The following WDR33 variants were observed in gnomAD, a reference collection of about 807,000 sequenced individuals.
WDR33 encodes the protein WD repeat domain 33, also known as pre-mRNA 3' end processing protein WDR33.
WDR33 carries 47 observed loss-of-function variants against 164.9 expected under a neutral mutation model. That is an observed-to-expected ratio of 0.29 (90% CI 0.23 to 0.36). WDR33 has a LOEUF of 0.36. Among genes scored for constraint, WDR33 ranks in the 10% least tolerant of loss-of-function variants. The pLI, the probability that WDR33 is intolerant of heterozygous loss-of-function variation, is 1.00. For synonymous variants in WDR33, 505 were observed against 589.0 expected (o/e 0.86, Z 2.06); for missense variants, 1,137 against 1,754.1 (o/e 0.65, Z 6.28).
chr2:127,781,573 CAT>C (rs890217488), intron 1 of WDR33, among the ~76,000 whole-genome samples: 5 of 152,108 alleles, frequency 3.3e-5, no homozygotes, highest in African/African-American at 1.2e-4. Flanking sequence ...AACTGGGTAA[CAT>C]AAATAGAATC....
At position 127,706,515 on chromosome 2, in the gene WDR33, T is replaced by C. The variant is rs1686016056; in HGVS notation, c.3819A>G (p.Lys1273=). ...CGTCTAAGGAGCTGGAACGCCCAGA[T>C]TTGGGCACTCTCTGAGCAGGTCCTG... The part of the protein sequence containing the change: ...GGPGPAQRVP[K]SGRSSSLDGE... Residue 1273 remains lysine, a synonymous_variant, in exon 22 of 22, where the codon AAA becomes AAG. Coordinates refer to ENST00000322313, the MANE Select transcript of WDR33 (RefSeq NM_018383.5). This position sits in a 1 kb window ranked among gnomAD's most constrained non-coding sequence, Gnocchi z 5.1. 1 of 1,613,186 alleles carries C rather than the reference T, an allele frequency of 6.2e-7. No individual in the cohort carries two copies. The highest frequency in any genetic ancestry group is 2.2e-5 in the East Asian group (1 of 44,790).
At chr2:127,799,174 C>A (rs1233118710) in intron 1 of WDR33, among the ~76,000 whole-genome samples, 3 of 152,046 alleles carry the variant, frequency 2.0e-5, no homozygotes, top group African/African-American at 7.3e-5. Context: ...ACATTCAGGA[C>A]CTTGGGTTAG....
At chr2:127,715,167 C>A (rs1251924674) in intron 17 of WDR33, among the ~76,000 whole-genome samples, 1 of 146,790 alleles carries the variant, frequency 6.8e-6, no homozygotes, top group East Asian at 2.1e-4. Context: ...TCTCAGCTCA[C>A]TGAAACCTCC....
chr2:127,737,155 A>G (rs896084144), intron 7 of WDR33: 1 of 985,316 alleles, frequency 1.0e-6, no homozygotes, highest in African/African-American at 1.7e-5. Context: ...TTTGCAGAGT[A>G]TTCATCAAAG....
In WDR33 at chr2:127,792,083, C is replaced by T. The variant is rs182786719; in HGVS notation, c.-24+18929G>A. Among the ~76,000 whole-genome samples, 552 of 152,044 alleles carry T rather than the reference C, an allele frequency of 3.6e-3. 5 individuals carry two copies. Among genetic ancestry groups the T allele is most frequent in the African/African-American group, 0.012 (512 of 41,504 alleles). ...CCTCCTGAGTAGCTGGGATTATAAG[C>T]ATGCACCACCACGCCCGGCTAATTT... is the stretch of plus-strand genomic sequence containing the variant. On this transcript the variant is annotated intron_variant, in intron 1 of 21. Coordinates refer to ENST00000322313, the MANE Select transcript of WDR33 (RefSeq NM_018383.5).
chr2:127,751,068 A>C (rs1470429530), intron 7 of WDR33, among the ~76,000 whole-genome samples: 1 of 151,940 alleles, frequency 6.6e-6, no homozygotes, highest in African/African-American at 2.4e-5. Context: ...GTTCTAAAAA[A>C]TCAGATTGAT....
intron 8 of WDR33, among the ~76,000 whole-genome samples, 174 bp from the exon 9 acceptor site, chr2:127,725,389 C>G (rs1009167662): frequency 6.6e-6 from 1 of 152,164 alleles, no homozygotes; most frequent in Non-Finnish European, 1.5e-5. Flanking sequence ...AACAAGTCAA[C>G]GACAGAAATA....
At chr2:127,809,428 CTTTTTTTTT>C (rs70985478) in intron 1 of WDR33, among the ~76,000 whole-genome samples, 18 of 94,638 alleles carry the variant, frequency 1.9e-4, no homozygotes, top group Admixed American at 5.4e-4. Flanking sequence ...AGCCAAATTC[CTTTTTTTTT>C]TTTTTTTTTT....
chr2:127,735,992 A>G lies in WDR33; in HGVS notation c.725-9215T>C. 2.0e-6 allele frequency: 2 copies of G among 985,464 alleles called. No individual in the cohort carries two copies. Among genetic ancestry groups the G allele is most frequent in the Non-Finnish European group, 2.4e-6 (2 of 829,942 alleles). 61.0% of individuals were successfully genotyped at this position (985,464 alleles called of 1,614,324 possible). On this transcript the variant is annotated intron_variant, in intron 7 of 21. Coordinates refer to ENST00000322313, the MANE Select transcript of WDR33 (RefSeq NM_018383.5). This position sits in a 1 kb window ranked among gnomAD's most constrained non-coding sequence, Gnocchi z 4.3. Reference sequence around the variant, plus strand: ...AGGCAGGGCAGTGTTTTCACAATGTATGTTCCAACAATACAGTGCATAGAA... The same window carrying G: ...AGGCAGGGCAGTGTTTTCACAATGTGTGTTCCAACAATACAGTGCATAGAA...
In WDR33 at chr2:127,705,562, C is replaced by T. The variant is rs1156440061; in HGVS notation, c.*761G>A. ...AGTTCCTCTCCTCATCATAACAAGG[C>T]GATTCAAACCTAAACTGTGATTCTT... is the stretch of plus-strand genomic sequence containing the variant. On this transcript the variant is annotated 3_prime_UTR_variant, in exon 22 of 22. Coordinates refer to ENST00000322313, the MANE Select transcript of WDR33 (RefSeq NM_018383.5). The surrounding 1 kb of genome is among the most constrained non-coding windows in gnomAD (Gnocchi z 4.5). The T allele has an allele frequency of 1.3e-5, 2 of 152,180 alleles. No homozygotes were observed. Among genetic ancestry groups the T allele is most frequent in the African/African-American group, 2.4e-5 (1 of 41,440 alleles). The allele number at this position is 152,180 out of a possible 1,614,324, so 9.4% of individuals were successfully genotyped here. A position where few individuals can be genotyped will look rare whatever the true frequency, so the allele number is the denominator to read the frequency against.
rs1687743211 is a variant in WDR33 at position 127,763,676 on chromosome 2, GAA to G, written c.627-519_627-518del. On this transcript the variant is annotated intron_variant, in intron 6 of 21. Coordinates refer to ENST00000322313, the MANE Select transcript of WDR33 (RefSeq NM_018383.5). This position sits in a 1 kb window ranked among gnomAD's most constrained non-coding sequence, Gnocchi z 4.5. ...TTCTCATCCATTTCAAAGGTCTGTA[GAA>G]AAGTTTCACATCTTCCTGGCAAGCT... is the stretch of plus-strand genomic sequence containing the variant. 1.0e-6 allele frequency: 1 copy of G among 985,718 alleles called. No homozygotes were observed. Among genetic ancestry groups the G allele is most frequent in the African/African-American group, 1.7e-5 (1 of 57,252 alleles). The allele number at this position is 985,718 out of a possible 1,614,324, so 61.1% of individuals were successfully genotyped here.
Position 127,701,994 on chromosome 2 carries a change from A to C in WDR33, c.*4329T>G. ...GCTCTACATGGCAGCGCTGGGCGCCACGCTGTTCGCCGCGCTGGGCCTTCG... is the reference window on the plus strand; with the variant it reads ...GCTCTACATGGCAGCGCTGGGCGCCCCGCTGTTCGCCGCGCTGGGCCTTCG... On this transcript the variant is annotated 3_prime_UTR_variant, in exon 22 of 22. Transcript: ENST00000322313. 2 of 1,332,596 alleles carry C rather than the reference A, an allele frequency of 1.5e-6. No individual in the cohort carries two copies. The highest frequency in any genetic ancestry group is 1.9e-6 in the Non-Finnish European group (2 of 1,044,800). The allele number at this position is 1,332,596 out of a possible 1,614,324, so 82.5% of individuals were successfully genotyped here. A position where few individuals can be genotyped will look rare whatever the true frequency, so the allele number is the denominator to read the frequency against.
Position 127,763,823 on chromosome 2 carries a change from A to C in WDR33, c.627-664T>G, listed in dbSNP as rs1228864494. On this transcript the variant is annotated intron_variant, in intron 6 of 21. Coordinates refer to ENST00000322313, the MANE Select transcript of WDR33 (RefSeq NM_018383.5). The surrounding 1 kb of genome is among the most constrained non-coding windows in gnomAD (Gnocchi z 4.5). Reference sequence around the variant, plus strand: ...TTTTTCCCAGCAGTGAAAGATCATCAAGTTTCTCAACTAACTCTAAAAACT... The same window carrying C: ...TTTTTCCCAGCAGTGAAAGATCATCCAGTTTCTCAACTAACTCTAAAAACT... 1 of 985,478 alleles carries C rather than the reference A, an allele frequency of 1.0e-6. No homozygotes were observed. The highest frequency in any genetic ancestry group is 1.2e-6 in the Non-Finnish European group (1 of 830,074). The allele number at this position is 985,478 out of a possible 1,614,324, so 61.0% of individuals were successfully genotyped here.
chr2:127,725,241 T>G (rs754403130), intron 8 of WDR33, 26 bp from the exon 9 acceptor site: 3 of 1,569,596 alleles, frequency 1.9e-6, no homozygotes, highest in Non-Finnish European at 1.7e-6. Flanking sequence ...CAAAAAAAAA[T>G]GTCAGAATTC....
intron 1 of WDR33, among the ~76,000 whole-genome samples, chr2:127,800,470 TA>T (rs545917647): frequency 6.6e-6 from 1 of 151,778 alleles, no homozygotes; most frequent in African/African-American, 2.4e-5. Flanking sequence ...CCGTCTCTGT[TA>T]AAAAAATTCA....
At chr2:127,810,050 A>C (rs1293642794) in intron 1 of WDR33, among the ~76,000 whole-genome samples, 5 of 131,848 alleles carry the variant, frequency 3.8e-5, no homozygotes, top group Non-Finnish European at 6.3e-5. Context: ...GGCTATATAT[A>C]CATACACACA....
chr2:127,757,808 A>G (rs973192091), intron 7 of WDR33, among the ~76,000 whole-genome samples: 22 of 152,314 alleles, frequency 1.4e-4, no homozygotes, highest in Non-Finnish European at 2.6e-4. Context: ...GGAACATTCA[A>G]ACTTTGTAAA....
chr2:127,702,061 C>T lies in WDR33; in HGVS notation c.*4262G>A. 1 of 1,209,546 alleles carries T rather than the reference C, an allele frequency of 8.3e-7. No individual in the cohort carries two copies. Among genetic ancestry groups the T allele is most frequent in the Non-Finnish European group, 1.0e-6 (1 of 972,428 alleles). The allele number at this position is 1,209,546 out of a possible 1,614,324, so 74.9% of individuals were successfully genotyped here. A position where few individuals can be genotyped will look rare whatever the true frequency, so the allele number is the denominator to read the frequency against. On this transcript the variant is annotated 3_prime_UTR_variant, in exon 22 of 22. Coordinates refer to ENST00000322313, the MANE Select transcript of WDR33 (RefSeq NM_018383.5). ...GTGCTGGGCGCGGGCGCGCAGGTGG[C>T]CGCGCTGCTGGCCGCGCTGGTTGGG...
At chr2:127,751,669 T>A (rs1687368959) in intron 7 of WDR33, among the ~76,000 whole-genome samples, 1 of 152,202 alleles carries the variant, frequency 6.6e-6, no homozygotes, top group Non-Finnish European at 1.5e-5. Flanking sequence ...AAAATTTTTT[T>A]AATATTACCA....
Sources: allele counts gnomAD v4.1 joint callset (sites outside exome capture counted in the v4.1 genomes callset), GRCh38; gene constraint gnomAD v4.1.1; non-coding constraint Gnocchi (gnomAD v3.1); transcripts MANE v1.5; gene names NCBI Gene and HGNC (gene_info 2026-07-23, HGNC 2026-07-21).